Variants in KLHL20 observed in about 807,000 individuals in gnomAD.
KLHL20 encodes kelch like family member 20, also known as kelch-like protein 20.
A neutral mutation model predicts 69.5 loss-of-function variants in KLHL20; 29 were observed. That is an observed-to-expected ratio of 0.42 (90% CI 0.31 to 0.57). KLHL20 has a LOEUF of 0.57. Ranked by LOEUF, KLHL20 falls within the 20% of genes least tolerant of loss-of-function variation. The pLI is 0.18. For missense variants in KLHL20, 419 were observed against 776.0 expected (o/e 0.54, Z 5.47); for synonymous variants, 253 against 265.2 (o/e 0.95, Z 0.45).
intron 10 of KLHL20, 34 bp downstream of exon 10, chr1:173,775,876 A>T (rs1455485818): frequency 1.3e-6 from 2 of 1,582,666 alleles, no homozygotes; most frequent in Non-Finnish European, 1.7e-6. Flanking sequence ...TTGCTTCCAA[A>T]TCTTGGCTAT....
intron 5 of KLHL20, among the ~76,000 whole-genome samples, chr1:173,755,611 ACT>A (rs1470934333): frequency 6.6e-6 from 1 of 152,120 alleles, no homozygotes; most frequent in Non-Finnish European, 1.5e-5. Context: ...AAAAGTAGTA[ACT>A]CTGCAGTGTG....
intron 6 of KLHL20, among the ~76,000 whole-genome samples, chr1:173,756,522 T>G (rs1353541483): frequency 6.6e-6 from 1 of 152,118 alleles, no homozygotes; most frequent in Non-Finnish European, 1.5e-5. Flanking sequence ...CAGAACAAGA[T>G]CCTGTCTCAA....
At chr1:173,718,128 A>G (rs1311247381) in intron 2 of KLHL20, among the ~76,000 whole-genome samples, 1 of 151,980 alleles carries the variant, frequency 6.6e-6, no homozygotes, top group Non-Finnish European at 1.5e-5. Context: ...GGGTTTTGCC[A>G]TGTTGCCCAG....
chr1:173,783,523 G>A (rs191834168), intron 11 of KLHL20, among the ~76,000 whole-genome samples: 10 of 152,222 alleles, frequency 6.6e-5, no homozygotes, highest in South Asian at 2.1e-4. Flanking sequence ...TAATAACAGC[G>A]TGTACGTTTT....
chr1:173,748,529 A>G (rs560533658), intron 3 of KLHL20, among the ~76,000 whole-genome samples: 1 of 152,290 alleles, frequency 6.6e-6, no homozygotes, highest in South Asian at 2.1e-4. Context: ...ACTTCTTTAG[A>G]TGCCTTGATA....
At chr1:173,782,286 T>TATTTCAAGCCCA in intron 11 of KLHL20, 56 bp downstream of exon 11, 2 of 1,297,492 alleles carry the variant, frequency 1.5e-6, no homozygotes, top group Non-Finnish European at 2.2e-6. Flanking sequence ...AATCATGGGC[T>TATTTCAAGCCCA]TGAAATAGCC....
intron 3 of KLHL20, among the ~76,000 whole-genome samples, chr1:173,742,255 A>G (rs988630239): frequency 6.6e-6 from 1 of 152,246 alleles, no homozygotes; most frequent in Non-Finnish European, 1.5e-5. Context: ...GATCATTGCT[A>G]GTGTGAGTAT....
intron 3 of KLHL20, among the ~76,000 whole-genome samples, chr1:173,735,384 T>C (rs923937656): frequency 6.6e-6 from 1 of 150,990 alleles, no homozygotes; most frequent in African/African-American, 2.4e-5. Flanking sequence ...AGGTAGAGGT[T>C]GCAGTGAGCC....
intron 3 of KLHL20, 93 bp downstream of exon 3, chr1:173,734,379 C>A: frequency 2.0e-6 from 2 of 1,012,032 alleles, no homozygotes; most frequent in Non-Finnish European, 3.1e-6. Flanking sequence ...GTATTTCCTG[C>A]TGATTCTAAC....
intron 4 of KLHL20, among the ~76,000 whole-genome samples, chr1:173,752,811 A>G (rs1179068862): frequency 1.3e-5 from 2 of 152,186 alleles, no homozygotes; most frequent in East Asian, 1.9e-4. Flanking sequence ...AATTGGAAGC[A>G]CAGTAGGGTA....
chr1:173,777,842 T>C (rs571146545), intron 10 of KLHL20, among the ~76,000 whole-genome samples: 1 of 152,314 alleles, frequency 6.6e-6, no homozygotes, highest in East Asian at 1.9e-4. Context: ...TTTGCATCAT[T>C]GTTCATTGAG....
chr1:173,719,775 ATCAT>A (rs984380234), intron 2 of KLHL20, among the ~76,000 whole-genome samples: 51 of 152,234 alleles, frequency 3.4e-4, no homozygotes, highest in African/African-American at 1.2e-3. Context: ...TTAATTTTCA[ATCAT>A]TCATTTTATT....
intron 3 of KLHL20, among the ~76,000 whole-genome samples, chr1:173,736,075 T>C (rs1327726491): frequency 1.3e-5 from 2 of 151,300 alleles, no homozygotes; most frequent in African/African-American, 4.9e-5. Flanking sequence ...GCCTCCCAAG[T>C]AGCTGGGACT....
chr1:173,774,261 C>T (rs1184624591), intron 8 of KLHL20, 44 bp from the exon 9 acceptor site: 1 of 1,612,012 alleles, frequency 6.2e-7, no homozygotes, highest in Non-Finnish European at 8.5e-7. Context: ...AAAAAGGCTT[C>T]ACTTAATAAG....
chr1:173,773,330 C>G (rs1648226511), intron 8 of KLHL20, among the ~76,000 whole-genome samples: 1 of 151,216 alleles, frequency 6.6e-6, no homozygotes, highest in Non-Finnish European at 1.5e-5. Flanking sequence ...ACCTGTAATC[C>G]CAGCACTTTG....
intron 1 of KLHL20, chr1:173,715,705 T>A: frequency 3.6e-6 from 1 of 275,476 alleles, no homozygotes; most frequent in Non-Finnish European, 6.9e-6. Context: ...ATACTTGATG[T>A]CGAGATCACA....
intron 2 of KLHL20, among the ~76,000 whole-genome samples, chr1:173,721,617 T>A (rs745939379): frequency 6.6e-6 from 1 of 152,246 alleles, no homozygotes; most frequent in South Asian, 2.1e-4. Flanking sequence ...TCTCGATCAC[T>A]GGACCAAGGC....
intron 8 of KLHL20, among the ~76,000 whole-genome samples, chr1:173,772,522 A>G (rs144028843): frequency 1.1e-3 from 174 of 152,374 alleles, no homozygotes; most frequent in African/African-American, 4.0e-3. Context: ...GTGAACATAT[A>G]TCCTGCTTTT....
In KLHL20 at chr1:173,762,795, T is replaced by C. The variant is rs1043382063; in HGVS notation, c.1152-3351T>C. On this transcript the variant is annotated intron_variant, in intron 7 of 11. Transcript: ENST00000209884. ...ACTGAATGGGGAAAAGTTGAAAGCA[T>C]TCCCTGTGAGCATGGGGTAAAAGAC... 2.6e-5 allele frequency among the ~76,000 whole-genome samples: 4 copies of C among 152,148 alleles called. No individual in the cohort carries two copies. In the South Asian group the frequency reaches 8.3e-4, roughly 32 times the overall value.
Sources: allele counts gnomAD v4.1 joint callset (sites outside exome capture counted in the v4.1 genomes callset), GRCh38; gene constraint gnomAD v4.1.1; transcripts MANE v1.5; gene names NCBI Gene and HGNC (gene_info 2026-07-23, HGNC 2026-07-21).